NTM: variants seen among roughly 807,000 people sequenced by gnomAD.
NTM encodes the protein IgLON family member 2.
Under a neutral mutation model 42.1 loss-of-function variants are expected in NTM, and 13 were observed. The ratio of observed to expected loss-of-function variants is 0.31; its 90% CI spans 0.20 to 0.49. The LOEUF (loss-of-function observed/expected upper bound fraction) is 0.49. Ranked by LOEUF, NTM falls within the 20% of genes least tolerant of loss-of-function variation. The pLI, the probability that NTM is intolerant of heterozygous loss-of-function variation, is 0.99. For synonymous variants in NTM, 187 were observed against 179.2 expected (o/e 1.04, Z -0.35); for missense variants, 373 against 452.8 (o/e 0.82, Z 1.60).
chr11:132,097,779 A>T (rs1164400631), intron 2 of NTM, among the ~76,000 whole-genome samples: 1 of 152,230 alleles, frequency 6.6e-6, no homozygotes, highest in Admixed American at 6.5e-5. Flanking sequence ...TGATAGCTTC[A>T]TGCAGGTCAT....
intron 1 of NTM, among the ~76,000 whole-genome samples, chr11:131,677,307 A>G (rs1420534077): frequency 6.6e-6 from 1 of 152,228 alleles, no homozygotes; most frequent in Non-Finnish European, 1.5e-5. Flanking sequence ...CTCTGCAGTG[A>G]GGACCTTTCG....
rs112972839 is a variant in NTM at position 132,015,746 on chromosome 11, T to C, written c.167+104098T>C. Among the ~76,000 whole-genome samples the C allele has an allele frequency of 2.3e-3, 355 of 152,122 alleles. 1 individual carries two copies. Among genetic ancestry groups the C allele is most frequent in the African/African-American group, 7.9e-3 (330 of 41,564 alleles). ...CATTCCTGGTGTATAGAAATGCTAC[T>C]GATTTTTGTATGTTGATTTTGTATT... On this transcript the variant is annotated intron_variant, in intron 2 of 8. Transcript: ENST00000683400.
At chr11:132,259,264 A>G (rs1162347853) in intron 4 of NTM, among the ~76,000 whole-genome samples, 1 of 152,180 alleles carries the variant, frequency 6.6e-6, no homozygotes, top group Non-Finnish European at 1.5e-5. Context: ...ATTCCAATGC[A>G]TAAATTTAAA....
intron 1 of NTM, among the ~76,000 whole-genome samples, chr11:131,626,542 T>C (rs1451399247): frequency 6.6e-6 from 1 of 152,160 alleles, no homozygotes; most frequent in African/African-American, 2.4e-5. Context: ...CAATAGGAGA[T>C]GATCAGCTTT....
intron 3 of NTM, among the ~76,000 whole-genome samples, chr11:132,192,649 A>G (rs934624646): frequency 6.6e-6 from 1 of 152,326 alleles, no homozygotes; most frequent in Admixed American, 6.5e-5. Flanking sequence ...ATCCTCACAT[A>G]TCAATATTGA....
intron 4 of NTM, among the ~76,000 whole-genome samples, chr11:132,239,071 A>C (rs943139645): frequency 6.6e-6 from 1 of 152,204 alleles, no homozygotes; most frequent in African/African-American, 2.4e-5. Context: ...AAGCACAAAA[A>C]CTTCTCAGAA....
chr11:132,042,528 G>C (rs772604756), intron 2 of NTM, among the ~76,000 whole-genome samples: 5 of 152,318 alleles, frequency 3.3e-5, no homozygotes, highest in South Asian at 4.1e-4. Flanking sequence ...TTAATGCTAT[G>C]CTGAAATCTC....
chr11:131,981,502 T>C (rs1271002161), intron 2 of NTM: 1 of 152,166 alleles, frequency 6.6e-6, no homozygotes, highest in Non-Finnish European at 1.5e-5. Flanking sequence ...AGCTGTTAAG[T>C]GATTAAAATA....
intron 2 of NTM, among the ~76,000 whole-genome samples, chr11:131,958,041 A>G (rs1197724259): frequency 1.3e-5 from 2 of 152,140 alleles, no homozygotes; most frequent in Non-Finnish European, 2.9e-5. Flanking sequence ...CATTAGCGAG[A>G]GAATGTTTGA....
chr11:131,658,596 G>A (rs1310914736), intron 1 of NTM, among the ~76,000 whole-genome samples: 2 of 152,172 alleles, frequency 1.3e-5, no homozygotes, highest in Admixed American at 6.5e-5. Flanking sequence ...TTCCTCCCCC[G>A]ACTTAGAGGT....
intron 1 of NTM, among the ~76,000 whole-genome samples, chr11:131,581,455 G>A (rs1592114912): frequency 6.6e-6 from 1 of 152,290 alleles, no homozygotes; most frequent in African/African-American, 2.4e-5. Context: ...TTTGATTTTA[G>A]GATCGGTAAA....
chr11:131,468,602 T>C (rs1952121543), intron 1 of NTM, among the ~76,000 whole-genome samples: 1 of 152,136 alleles, frequency 6.6e-6, no homozygotes, highest in African/African-American at 2.4e-5. Context: ...AGAGAGAAAA[T>C]ATCATGTCAA....
intron 4 of NTM, among the ~76,000 whole-genome samples, chr11:132,251,177 C>T (rs2091900884): frequency 6.6e-6 from 1 of 152,154 alleles, no homozygotes; most frequent in Non-Finnish European, 1.5e-5. Flanking sequence ...TTGCAGTCTC[C>T]ACTTATTGTA....
chr11:131,653,927 T>G (rs2066838922), intron 1 of NTM, among the ~76,000 whole-genome samples: 1 of 152,260 alleles, frequency 6.6e-6, no homozygotes, highest in Non-Finnish European at 1.5e-5. Context: ...CAGGTGCTCA[T>G]TGAAGGTGTT....
chr11:131,910,517 A>C lies in NTM; in HGVS notation c.83-1047A>C, dbSNP rs545675848. Among the ~76,000 whole-genome samples, 330 of 151,372 alleles carry C rather than the reference A, an allele frequency of 2.2e-3. 2 individuals carry two copies. Among genetic ancestry groups the C allele is most frequent in the African/African-American group, 7.5e-3 (312 of 41,436 alleles). Reference sequence around the variant, plus strand: ...GGATGAGAGCGCAGTCCGCGCCGCCAGCCCGCCCGCTCGCTCCGAGGCGGC... The same window carrying C: ...GGATGAGAGCGCAGTCCGCGCCGCCCGCCCGCCCGCTCGCTCCGAGGCGGC... On this transcript the variant is annotated intron_variant, in intron 1 of 8. Transcript: ENST00000683400.
intron 2 of NTM, among the ~76,000 whole-genome samples, chr11:131,999,791 A>G (rs539935013): frequency 1.3e-5 from 2 of 152,338 alleles, no homozygotes; most frequent in Admixed American, 6.5e-5. Flanking sequence ...TATTATATCA[A>G]CTGTGGCTGA....
At chr11:131,911,077 C>T in intron 1 of NTM, 1 of 1,118,462 alleles carries the variant, frequency 8.9e-7, no homozygotes, top group Non-Finnish European at 1.1e-6. Context: ...GGATGAAGCC[C>T]ACCCCGTCCC....
intron 1 of NTM, among the ~76,000 whole-genome samples, chr11:131,892,782 A>G (rs2051578147): frequency 6.6e-6 from 1 of 152,228 alleles, no homozygotes; most frequent in Non-Finnish European, 1.5e-5. Flanking sequence ...GGCATCCCCA[A>G]AGAGCCAGAG....
At chr11:131,842,583 C>T (rs568751971) in intron 1 of NTM, among the ~76,000 whole-genome samples, 1 of 152,146 alleles carries the variant, frequency 6.6e-6, no homozygotes, top group East Asian at 1.9e-4. Context: ...TTCAACGCAT[C>T]CAGGACAAAA....
Sources: gnomAD v4.1 joint callset for allele counts (sites outside exome capture counted in the v4.1 genomes callset) on GRCh38, gnomAD v4.1.1 for gene constraint, MANE v1.5 for transcripts, NCBI Gene and HGNC (gene_info 2026-07-23, HGNC 2026-07-21) for gene names.